Variants in CCDC12 observed in about 807,000 individuals in gnomAD.
CCDC12 encodes coiled-coil domain containing 12, also known as coiled-coil domain-containing protein 12.
Under a neutral mutation model 25.7 loss-of-function variants are expected in CCDC12, and 28 were observed. The ratio of observed to expected loss-of-function variants is 1.09; its 90% CI spans 0.81 to 1.50. The LOEUF is 1.50. Ranked by LOEUF, CCDC12 falls within the 40% of genes most tolerant of loss-of-function variation. The pLI, the probability that CCDC12 is intolerant of heterozygous loss-of-function variation, is 0.00. For synonymous variants in CCDC12, 75 were observed against 87.7 expected (o/e 0.86, Z 0.81); for missense variants, 198 against 210.0 (o/e 0.94, Z 0.35).
At chr3:46,949,033 G>A (rs1039228951) in intron 1 of CCDC12, among the ~76,000 whole-genome samples, 7 of 152,180 alleles carry the variant, frequency 4.6e-5, no homozygotes, top group African/African-American at 7.2e-5. Flanking sequence ...TCTTATCCTC[G>A]GTGCACAGAT....
upstream of CCDC12, among the ~76,000 whole-genome samples, chr3:46,977,259 GGTCAGGAGA>G (rs1169589421): frequency 6.6e-6 from 1 of 152,180 alleles, no homozygotes; most frequent in Non-Finnish European, 1.5e-5. Context: ...CGGACCACGA[GGTCAGGAGA>G]TGGAGACCAT....
At chr3:46,940,839 A>C (rs57645855) in intron 2 of CCDC12, 159 bp downstream of exon 2, 7,053 of 675,368 alleles carry the variant, frequency 0.01, 118 homozygotes, top group East Asian at 0.04. Flanking sequence ...GGGCCTTCTG[A>C]GATGTTGAGA....
intron 2 of CCDC12, among the ~76,000 whole-genome samples, chr3:46,939,432 G>C (rs1304126758): frequency 6.6e-6 from 1 of 152,006 alleles, no homozygotes; most frequent in Non-Finnish European, 1.5e-5. Context: ...GCTCCAGCCA[G>C]AGTTCCAGTT....
intron 4 of CCDC12, 94 bp from the exon 5 acceptor site, chr3:46,923,457 A>G (rs1429210549): frequency 1.1e-5 from 17 of 1,525,284 alleles, no homozygotes; most frequent in Non-Finnish European, 1.3e-5. Context: ...GAGAAAGAGG[A>G]GGAGGAAGGA....
chr3:46,954,853 G>A (rs2034238532), intron 1 of CCDC12, among the ~76,000 whole-genome samples: 1 of 152,100 alleles, frequency 6.6e-6, no homozygotes, highest in South Asian at 2.1e-4. Flanking sequence ...AAACCAGAAG[G>A]AGGAGGTTGC....
Position 46,944,618 on chromosome 3 carries a change from G to A in CCDC12, c.97-3553C>T, listed in dbSNP as rs568248058. On this transcript the variant is annotated intron_variant, in intron 1 of 6. Transcript: ENST00000683445. ...TCCCTCCTTCCCAATCCCTAGTCTC[G>A]TCTACCACCTCCTTAGCTCCCCACC... 5.9e-5 allele frequency among the ~76,000 whole-genome samples: 9 copies of A among 151,576 alleles called. No individual in the cohort carries two copies. In the East Asian group the frequency reaches 7.8e-4, roughly 13 times the overall value.
intron 2 of CCDC12, among the ~76,000 whole-genome samples, chr3:46,928,581 C>T (rs1575537623): frequency 6.6e-6 from 1 of 152,162 alleles, no homozygotes; most frequent in Non-Finnish European, 1.5e-5. Flanking sequence ...AAACAGACTA[C>T]TGACTTCTCA....
chr3:46,980,604 G>C (rs2035260430), upstream of CCDC12, among the ~76,000 whole-genome samples: 1 of 152,078 alleles, frequency 6.6e-6, no homozygotes, highest in African/African-American at 2.4e-5. Context: ...TTGAGGCCCT[G>C]AGGGATGTCT....
rs370955583 is a variant in CCDC12, at chr3:46,922,007, C to G, written c.*50G>C. 82 of 1,597,240 alleles carry G rather than the reference C, an allele frequency of 5.1e-5. No homozygotes were observed. Among genetic ancestry groups the G allele is most frequent in the Non-Finnish European group, 6.9e-5 (81 of 1,166,748 alleles). On this transcript the variant is annotated 3_prime_UTR_variant, in exon 7 of 7. Coordinates refer to ENST00000683445, the MANE Select transcript of CCDC12 (RefSeq NM_001277074.2). ...CCTAGCCCCCATCCCTGCCCAAGAC[C>G]ATCCTCTGCAGGACAGGCCTGATGG...
chr3:46,926,756 C>T (rs1335496510), intron 2 of CCDC12, among the ~76,000 whole-genome samples: 5 of 152,088 alleles, frequency 3.3e-5, no homozygotes, highest in Admixed American at 6.5e-5. Flanking sequence ...GAGACTAGGC[C>T]GCAGGTCCTC....
intron 1 of CCDC12, among the ~76,000 whole-genome samples, chr3:46,966,903 GCCCCACTGT>G (rs2034658459): frequency 1.3e-5 from 2 of 152,090 alleles, no homozygotes; most frequent in Admixed American, 6.5e-5. Context: ...GCTTCTCTCA[GCCCCACTGT>G]CCTCATGCCG....
intron 1 of CCDC12, among the ~76,000 whole-genome samples, chr3:46,974,580 T>A (rs930103722): frequency 6.6e-6 from 1 of 150,732 alleles, no homozygotes; most frequent in Non-Finnish European, 1.5e-5. Context: ...CTGTCTGATA[T>A]GTTCCACAGG....
At chr3:46,943,740 T>C (rs1392330954) in intron 1 of CCDC12, among the ~76,000 whole-genome samples, 1 of 152,180 alleles carries the variant, frequency 6.6e-6, no homozygotes, top group Non-Finnish European at 1.5e-5. Flanking sequence ...TAAATGACTT[T>C]TAAAAATGCC....
rs760007949 is a variant in CCDC12, at chr3:46,941,017, C to T, written c.145G>A (p.Glu49Lys). The T allele has an allele frequency of 6.2e-7, 1 of 1,614,218 alleles. No individual in the cohort carries two copies. Among genetic ancestry groups the T allele is most frequent in the East Asian group, 2.2e-5 (1 of 44,870 alleles). ...CATTACCTGTGCTTCTCGCCTTCTTCCTCCTCTTCTCTGAGATGCTTGGTC... is the reference window on the plus strand; with the variant it reads ...CATTACCTGTGCTTCTCGCCTTCTTTCTCCTCTTCTCTGAGATGCTTGGTC... Reference protein sequence around the residue: ...PKTKHLREEEEEGEKHRELRL... With the variant: ...PKTKHLREEEKEGEKHRELRL... The change falls in exon 2 of 7, where the codon GAA becomes AAA. Residue 49 changes from glutamate (E) to lysine (K), a missense_variant. By Grantham distance (56) the Glu-to-Lys change is moderately conservative. Coordinates refer to ENST00000683445, the MANE Select transcript of CCDC12 (RefSeq NM_001277074.2).
In CCDC12 at chr3:46,964,587, T is replaced by A. The variant is rs2034583867; in HGVS notation, c.96+12050A>T. On this transcript the variant is annotated intron_variant, in intron 1 of 6. Transcript: ENST00000683445. Reference sequence around the variant, plus strand: ...TAGAAAGAAGTAGACATGGGAGACTTTTCATTTTGTTCTGTACTAAGAAAA... The same window carrying A: ...TAGAAAGAAGTAGACATGGGAGACTATTCATTTTGTTCTGTACTAAGAAAA... Among the ~76,000 whole-genome samples the A allele has an allele frequency of 1.3e-5, 2 of 152,182 alleles. 1 individual carries two copies. Among genetic ancestry groups the A allele is most frequent in the South Asian group, 4.1e-4 (2 of 4,824 alleles).
At chr3:46,930,376 T>G (rs2033158313) in intron 2 of CCDC12, among the ~76,000 whole-genome samples, 1 of 152,246 alleles carries the variant, frequency 6.6e-6, no homozygotes, top group African/African-American at 2.4e-5. Context: ...GGCCAGTCTC[T>G]GTGGCTTAGG....
At chr3:46,924,591 T>C (rs983406953) in intron 3 of CCDC12, among the ~76,000 whole-genome samples, 1 of 152,232 alleles carries the variant, frequency 6.6e-6, no homozygotes, top group African/African-American at 2.4e-5. Flanking sequence ...ACACCTGGAA[T>C]CCCAGCACTT....
intron 2 of CCDC12, among the ~76,000 whole-genome samples, chr3:46,929,793 G>A (rs1369884864): frequency 2.0e-5 from 3 of 151,712 alleles, no homozygotes; most frequent in African/African-American, 4.8e-5. Context: ...TTGGGAGGCC[G>A]AGGCGGGTGG....
intron 2 of CCDC12, among the ~76,000 whole-genome samples, chr3:46,931,801 A>C (rs1285105373): frequency 6.6e-6 from 1 of 152,248 alleles, no homozygotes; most frequent in East Asian, 1.9e-4. Flanking sequence ...ATGCGCCTGC[A>C]GGCCTTGCAG....
Sources: gnomAD v4.1 joint callset for allele counts (sites outside exome capture counted in the v4.1 genomes callset) on GRCh38, gnomAD v4.1.1 for gene constraint, MANE v1.5 for transcripts, NCBI Gene and HGNC (gene_info 2026-07-23, HGNC 2026-07-21) for gene names.